HORMAD2: variants seen among roughly 807,000 people sequenced by gnomAD.
HORMAD2 encodes HORMA domain containing 2.
A neutral mutation model predicts 38.8 loss-of-function variants in HORMAD2; 45 were observed. That is an observed-to-expected ratio of 1.16 (90% CI 0.91 to 1.49). The LOEUF is 1.49. Among genes scored for constraint, HORMAD2 ranks in the 40% most tolerant of loss-of-function variants. The pLI, the probability that HORMAD2 is intolerant of heterozygous loss-of-function variation, is 0.00. For synonymous variants in HORMAD2, 126 were observed against 122.8 expected, an observed-to-expected ratio of 1.03 and a Z score of -0.17; for missense variants, 338 against 367.0, an observed-to-expected ratio of 0.92 and a Z score of 0.65.
chr22:30,142,039 G>A (rs1924115195), intron 10 of HORMAD2, among the ~76,000 whole-genome samples: 1 of 152,100 alleles, frequency 6.6e-6, no homozygotes, highest in African/African-American at 2.4e-5. Context: ...GGCTTGAGGT[G>A]AGGAGTTTGA....
intron 10 of HORMAD2, among the ~76,000 whole-genome samples, chr22:30,170,289 G>C (rs913283799): frequency 1.3e-5 from 2 of 152,154 alleles, no homozygotes; most frequent in African/African-American, 4.8e-5. Context: ...ACAACTCACT[G>C]TATTTCCTGG....
At chr22:30,077,831 G>A (rs1032712463), upstream of HORMAD2, among the ~76,000 whole-genome samples, 1 of 152,166 alleles carries the variant, frequency 6.6e-6, no homozygotes, top group Non-Finnish European at 1.5e-5. Context: ...CACTGTCAAT[G>A]TTTAATTATC....
intron 1 of HORMAD2, among the ~76,000 whole-genome samples, chr22:30,082,575 T>C (rs1264937117): frequency 1.3e-5 from 2 of 152,014 alleles, no homozygotes; most frequent in South Asian, 2.1e-4. Context: ...GAGGCCAGTC[T>C]GGGCAACATA....
chr22:30,100,285 T>C (rs1008940058), intron 3 of HORMAD2, among the ~76,000 whole-genome samples: 1 of 152,022 alleles, frequency 6.6e-6, no homozygotes, highest in Non-Finnish European at 1.5e-5. Context: ...ACACCACACA[T>C]CTACAACCAT....
chr22:30,204,935 C>T, the HORMAD2 span, among the ~76,000 whole-genome samples: 1 of 152,168 alleles, frequency 6.6e-6, no homozygotes, highest in Admixed American at 6.5e-5. Context: ...CTGGAGCAGA[C>T]GCCGTGGGAC....
the HORMAD2 span, among the ~76,000 whole-genome samples, chr22:30,202,489 G>A: frequency 6.6e-6 from 1 of 150,918 alleles, no homozygotes; most frequent in Non-Finnish European, 1.5e-5. Context: ...TCCCTGGCAG[G>A]CCACATGCAA....
chr22:30,115,763 A>G (rs1921992578), intron 7 of HORMAD2, among the ~76,000 whole-genome samples: 1 of 152,236 alleles, frequency 6.6e-6, no homozygotes, highest in African/African-American at 2.4e-5. Context: ...AATTTTTTAA[A>G]CAGGTGATGT....
chr22:30,101,324 AAC>A (rs1206128392), intron 3 of HORMAD2, among the ~76,000 whole-genome samples: 3 of 152,118 alleles, frequency 2.0e-5, no homozygotes, highest in Non-Finnish European at 2.9e-5. Context: ...TCAGCAAACT[AAC>A]ACAGGAACAG....
At chr22:30,147,915 G>A (rs987477651) in intron 10 of HORMAD2, among the ~76,000 whole-genome samples, 9 of 152,126 alleles carry the variant, frequency 5.9e-5, no homozygotes, top group African/African-American at 2.2e-4. Context: ...TTCAAGACCA[G>A]TGCATTGGAA....
intron 10 of HORMAD2, among the ~76,000 whole-genome samples, chr22:30,170,431 G>A (rs1399312870): frequency 6.6e-6 from 1 of 152,084 alleles, no homozygotes; most frequent in African/African-American, 2.4e-5. Context: ...GTGAGGCTCT[G>A]CTTTTAGTAG....
At chr22:30,094,579 A>G (rs1285932431) in intron 2 of HORMAD2, among the ~76,000 whole-genome samples, 1 of 152,200 alleles carries the variant, frequency 6.6e-6, no homozygotes, top group African/African-American at 2.4e-5. Context: ...AAAGTTTATA[A>G]TCTGGTTAGG....
At chr22:30,091,740 T>C (rs1439976063) in intron 1 of HORMAD2, among the ~76,000 whole-genome samples, 4 of 152,202 alleles carry the variant, frequency 2.6e-5, no homozygotes, top group Non-Finnish European at 5.9e-5. Flanking sequence ...GGTTTCTATT[T>C]TAAGATTTTT....
At chr22:30,145,310 G>A (rs1245517292) in intron 10 of HORMAD2, among the ~76,000 whole-genome samples, 2 of 152,160 alleles carry the variant, frequency 1.3e-5, no homozygotes. Flanking sequence ...AAAGGGACAT[G>A]GAGGAATTTT....
intron 10 of HORMAD2, among the ~76,000 whole-genome samples, chr22:30,172,486 G>A (rs943571876): frequency 6.6e-6 from 1 of 152,112 alleles, no homozygotes; most frequent in African/African-American, 2.4e-5. Flanking sequence ...TGTTTTTAGT[G>A]CCCAGCTCAT....
chr22:30,183,581 T>C, the HORMAD2 span, among the ~76,000 whole-genome samples: 1 of 152,230 alleles, frequency 6.6e-6, no homozygotes, highest in Non-Finnish European at 1.5e-5. Flanking sequence ...TGCTTTTATC[T>C]CAATTTCTGA....
chr22:30,185,874 AT>A, the HORMAD2 span, among the ~76,000 whole-genome samples: 1 of 151,842 alleles, frequency 6.6e-6, no homozygotes, highest in African/African-American at 2.4e-5. Context: ...AAAAAAAAAA[AT>A]AAAAAGAGCT....
At chr22:30,103,389 C>T (rs1005444525) in intron 3 of HORMAD2, 48 bp from the exon 4 acceptor site, 6 of 999,084 alleles carry the variant, frequency 6.0e-6, no homozygotes, top group South Asian at 2.8e-5. Context: ...AATTTCAGTA[C>T]AGCAGTCATT....
chr22:30,121,439 T>C (rs1225092585), intron 8 of HORMAD2, among the ~76,000 whole-genome samples, 193 bp from the exon 9 acceptor site: 1 of 152,192 alleles, frequency 6.6e-6, no homozygotes, highest in Admixed American at 6.5e-5. Flanking sequence ...TTTTAGGGAA[T>C]TTGCTACTTA....
At position 30,111,821 on chromosome 22, in the gene HORMAD2, G is replaced by T. The variant is rs1413142688; in HGVS notation, c.315+5G>T. ...CTACGTATGGCAGTACTGACAGTAA[G>T]TACACACTCATTTAAAGACCAAGCC... On this transcript the variant is annotated splice_donor_5th_base_variant and intron_variant, in intron 6 of 10. Coordinates refer to ENST00000336726, the MANE Select transcript of HORMAD2 (RefSeq NM_152510.4). The T allele has an allele frequency of 1.3e-6, 2 of 1,569,192 alleles. No individual in the cohort carries two copies. The highest frequency in any genetic ancestry group is 1.7e-6 in the Non-Finnish European group (2 of 1,156,446).
Sources: gnomAD v4.1 joint callset for allele counts (sites outside exome capture counted in the v4.1 genomes callset) on GRCh38, gnomAD v4.1.1 for gene constraint, MANE v1.5 for transcripts, NCBI Gene and HGNC (gene_info 2026-07-23, HGNC 2026-07-21) for gene names.